COL6A6: variants seen among roughly 807,000 people sequenced by gnomAD.
COL6A6 encodes the protein collagen alpha-6(VI) chain.
COL6A6 carries 183 observed loss-of-function variants against 208.6 expected under a neutral mutation model. The observed-to-expected ratio is 0.88, with a 90% confidence interval of 0.78 to 0.99. The LOEUF (loss-of-function observed/expected upper bound fraction) is 0.99. COL6A6 is among the 50% of genes least tolerant of loss of function. The probability of loss-of-function intolerance (pLI) is 0.00; values close to 1 mark genes in which losing one functional copy is unlikely to be tolerated. For missense variants in COL6A6, 2,816 were observed against 2,815.2 expected (o/e 1.00, Z -0.01); for synonymous variants, 973 against 1,011.8 (o/e 0.96, Z 0.73).
chr3:130,570,906 T>C lies in COL6A6; in HGVS notation c.2490T>C (p.Asp830=). The C allele has an allele frequency of 6.2e-7, 1 of 1,613,860 alleles. No individual in the cohort carries two copies. The highest frequency in any genetic ancestry group is 8.5e-7 in the Non-Finnish European group (1 of 1,179,768). The change falls in exon 7 of 37, where the codon GAT becomes GAC. Residue 830 remains aspartate, a synonymous_variant. Transcript: ENST00000358511. ...IDYDEYNIMK[D]FMIGLVKKAD... is the part of the protein sequence containing the mutation. ...ATGATGAGTATAATATCATGAAGGA[T>C]TTTATGATTGGCTTAGTGAAAAAAG...
chr3:130,557,534 T>C (rs2062793781), intron 1 of COL6A6, among the ~76,000 whole-genome samples: 1 of 152,248 alleles, frequency 6.6e-6, no homozygotes, highest in Admixed American at 6.5e-5. Flanking sequence ...CATTTATCTT[T>C]AACACTGTGG....
At chr3:130,666,482 A>G (rs2066077805) in intron 36 of COL6A6, among the ~76,000 whole-genome samples, 1 of 152,230 alleles carries the variant, frequency 6.6e-6, no homozygotes, top group Non-Finnish European at 1.5e-5. Flanking sequence ...TGTACATTAT[A>G]TACATATATA....
At chr3:130,642,028 A>G (rs1317410385) in intron 29 of COL6A6, among the ~76,000 whole-genome samples, 1 of 152,184 alleles carries the variant, frequency 6.6e-6, no homozygotes, top group African/African-American at 2.4e-5. Flanking sequence ...CATTGGATGA[A>G]TGGAAGTGAA....
At position 130,662,019 on chromosome 3, in the gene COL6A6, T is replaced by C. The variant is rs746259877; in HGVS notation, c.6213T>C (p.Asn2071=). ...ATGCCTTACAGTGGACTCTGGACAA[T>C]GTATTTTTAAGTACACCCAATCTGA... ...IGHALQWTLD[N]VFLSTPNLRR... Residue 2071 remains asparagine, a synonymous_variant, in exon 35 of 37, where the codon AAT becomes AAC. Coordinates refer to ENST00000358511, the MANE Select transcript of COL6A6 (RefSeq NM_001102608.3). 1.2e-6 allele frequency: 2 copies of C among 1,613,894 alleles called. No homozygotes were observed. The highest frequency in any genetic ancestry group is 1.1e-5 in the South Asian group (1 of 91,066).
intron 32 of COL6A6, among the ~76,000 whole-genome samples, chr3:130,647,540 T>G (rs907017352): frequency 6.6e-6 from 1 of 152,232 alleles, no homozygotes; most frequent in East Asian, 1.9e-4. Flanking sequence ...TGATTTCCTG[T>G]CTCCATCGAG....
At chr3:130,527,241 A>C (rs2061980609) in intron 1 of COL6A6, among the ~76,000 whole-genome samples, 2 of 152,218 alleles carry the variant, frequency 1.3e-5, no homozygotes, top group African/African-American at 4.8e-5. Context: ...GCTCAAGTCT[A>C]TTACACTTTT....
Position 130,628,883 on chromosome 3 carries a change from G to A in COL6A6, c.4992+1514G>A, listed in dbSNP as rs578133517. ...AACAACCAGAAAGGACATCTACACC[G>A]AAAACCCATCTGTACATCACCATCA... is the stretch of plus-strand genomic sequence containing the variant. On this transcript the variant is annotated intron_variant, in intron 26 of 36. Transcript: ENST00000358511. Among the ~76,000 whole-genome samples, 11 of 111,568 alleles carry A rather than the reference G, an allele frequency of 9.9e-5. 1 individual carries two copies. Among genetic ancestry groups the A allele is most frequent in the East Asian group, 9.6e-4 (4 of 4,160 alleles). The allele number at this position is 111,568 out of a possible 152,430, so 73.2% of individuals were successfully genotyped here.
At chr3:130,675,144 T>C in intron 36 of COL6A6, 58 bp from the exon 37 acceptor site, 1 of 1,043,664 alleles carries the variant, frequency 9.6e-7, no homozygotes. Flanking sequence ...GATTAATATG[T>C]AGTCTATTAA....
intron 1 of COL6A6, among the ~76,000 whole-genome samples, chr3:130,528,672 G>A (rs1559951639): frequency 6.6e-6 from 1 of 152,120 alleles, no homozygotes; most frequent in African/African-American, 2.4e-5. Context: ...AGGTGGTATT[G>A]GTTCTTAGGT....
At chr3:130,609,952 CTTTTTTTTTTTTT>C (rs1054764231) in intron 22 of COL6A6, among the ~76,000 whole-genome samples, 1 of 116,294 alleles carries the variant, frequency 8.6e-6, no homozygotes, top group South Asian at 2.9e-4. Context: ...GGAAAGCTCA[CTTTTTTTTTTTTT>C]TTTTTTTTTT....
At chr3:130,671,738 A>G (rs2066221167) in intron 36 of COL6A6, among the ~76,000 whole-genome samples, 1 of 152,240 alleles carries the variant, frequency 6.6e-6, no homozygotes, top group Admixed American at 6.5e-5. Context: ...TATGAGAAAT[A>G]CATGTAGAAG....
At chr3:130,670,705 G>A (rs912152724) in intron 36 of COL6A6, among the ~76,000 whole-genome samples, 10 of 152,162 alleles carry the variant, frequency 6.6e-5, no homozygotes, top group Admixed American at 2.6e-4. Context: ...TTTATCTTTT[G>A]CCCACCTACA....
At position 130,564,983 on chromosome 3, in the gene COL6A6, T is replaced by C. The variant is rs1250420718; in HGVS notation, c.662-11T>C. On this transcript the variant is annotated splice_polypyrimidine_tract_variant and intron_variant, in intron 3 of 36. Coordinates refer to ENST00000358511, the MANE Select transcript of COL6A6 (RefSeq NM_001102608.3). ...AGCTAAAATTGTGCTTGTTTATTTC[T>C]TGCCACACAGCTTGCCAAGGCCCTT... The C allele has an allele frequency of 6.2e-7, 1 of 1,609,144 alleles. No homozygotes were observed. The highest frequency in any genetic ancestry group is 8.5e-7 in the Non-Finnish European group (1 of 1,177,218).
intron 2 of COL6A6, among the ~76,000 whole-genome samples, chr3:130,561,027 T>G (rs1047892133): frequency 1.3e-5 from 2 of 152,256 alleles, no homozygotes; most frequent in Admixed American, 6.5e-5. Flanking sequence ...AAGCAAGTTT[T>G]GTGAAGACAT....
At chr3:130,543,154 T>C (rs1022216581) in intron 1 of COL6A6, among the ~76,000 whole-genome samples, 1 of 152,138 alleles carries the variant, frequency 6.6e-6, no homozygotes, top group African/African-American at 2.4e-5. Context: ...TCTGCCCACC[T>C]CGGCCTCCCA....
intron 2 of COL6A6, 118 bp downstream of exon 2, chr3:130,560,546 G>C: frequency 2.5e-6 from 2 of 792,644 alleles, no homozygotes; most frequent in Non-Finnish European, 4.0e-6. Flanking sequence ...TGATGGTAGT[G>C]AGATTAAGGG....
intron 19 of COL6A6, 131 bp downstream of exon 19, chr3:130,598,561 A>G: frequency 3.1e-6 from 2 of 654,432 alleles, no homozygotes; most frequent in Non-Finnish European, 5.4e-6. Context: ...AACCATTATT[A>G]GGAGCAAAAT....
Position 130,608,925 on chromosome 3 carries a change from A to G in COL6A6, c.4713A>G (p.Pro1571=). Reference sequence around the variant, plus strand: ...AGGGAACAGCAGGCATCCCAGGACCAGATGGACTTGAAGGCTCCCTGGGAC... The same window carrying G: ...AGGGAACAGCAGGCATCCCAGGACCGGATGGACTTGAAGGCTCCCTGGGAC... The part of the protein sequence containing the change: ...GPQGTAGIPG[P]DGLEGSLGLK... The change falls in exon 22 of 37, where the codon CCA becomes CCG. Residue 1571 remains proline, a synonymous_variant. Transcript: ENST00000358511. 6.2e-7 allele frequency: 1 copy of G among 1,613,670 alleles called. No individual in the cohort carries two copies.
intron 10 of COL6A6, 35 bp downstream of exon 10, chr3:130,582,103 A>G (rs1208021489): frequency 1.5e-6 from 2 of 1,290,966 alleles, no homozygotes; most frequent in South Asian, 1.4e-5. Context: ...GGGAGTGCTT[A>G]TTAACTTTAT....
Sources: allele counts gnomAD v4.1 joint callset (sites outside exome capture counted in the v4.1 genomes callset), GRCh38; gene constraint gnomAD v4.1.1; transcripts MANE v1.5; gene names NCBI Gene and HGNC (gene_info 2026-07-23, HGNC 2026-07-21).